UGT8: variants seen among roughly 807,000 people sequenced by gnomAD.
The protein encoded by UGT8 is UDP glycosyltransferase 8.
In UGT8, 12 loss-of-function variants were observed where a neutral mutation model predicts 40.5. The observed-to-expected ratio is 0.30, with a 90% CI of 0.19 to 0.48. UGT8 has a LOEUF of 0.48. UGT8 is among the 20% of genes least tolerant of loss of function. UGT8 has a pLI of 0.99. For missense variants in UGT8, 513 were observed against 648.7 expected (o/e 0.79, Z 2.27); for synonymous variants, 224 against 240.4 (o/e 0.93, Z 0.63).
rs557639393 is a variant in UGT8 at position 114,675,335 on chromosome 4, T to C, written c.1263-590T>C. On this transcript the variant is annotated intron_variant, in intron 5 of 5. Coordinates refer to ENST00000310836, the MANE Select transcript of UGT8 (RefSeq NM_001128174.3). ...CATGTAATGTAGTGTGGAAACAGCA[T>C]AGGGTTTGGAGTCAGAAAATTCTGG... 2.6e-5 allele frequency among the ~76,000 whole-genome samples: 4 copies of C among 152,298 alleles called. No individual in the cohort carries two copies. In the South Asian group the frequency reaches 8.3e-4, roughly 32 times the overall value.
intron 1 of UGT8, among the ~76,000 whole-genome samples, chr4:114,616,587 G>A (rs980879636): frequency 6.6e-5 from 10 of 151,906 alleles, no homozygotes; most frequent in Non-Finnish European, 1.5e-4. Context: ...GCTCATGCTC[G>A]GTGTGTTGCA....
intron 1 of UGT8, among the ~76,000 whole-genome samples, chr4:114,601,429 A>G (rs1730433814): frequency 6.6e-6 from 1 of 152,148 alleles, no homozygotes; most frequent in Admixed American, 6.5e-5. Context: ...ATTTTCCAAC[A>G]TACACCTGGG....
chr4:114,664,181 T>C (rs1158945422), intron 3 of UGT8, 44 bp downstream of exon 3: 1 of 1,602,452 alleles, frequency 6.2e-7, no homozygotes, highest in Non-Finnish European at 8.5e-7. Context: ...TGACAATCAA[T>C]ATCTCCTTGT....
chr4:114,630,104 G>C (rs746847357), intron 2 of UGT8, among the ~76,000 whole-genome samples: 62 of 151,816 alleles, frequency 4.1e-4, no homozygotes, highest in Non-Finnish European at 1.8e-4. Flanking sequence ...GGGTTTGTCA[G>C]ATCTATTTCT....
At chr4:114,631,308 C>G (rs545385725) in intron 2 of UGT8, among the ~76,000 whole-genome samples, 52 of 152,134 alleles carry the variant, frequency 3.4e-4, no homozygotes, top group Non-Finnish European at 6.6e-4. Flanking sequence ...ATGATGTAAC[C>G]CCATCTCTAC....
intron 1 of UGT8, among the ~76,000 whole-genome samples, chr4:114,621,498 A>G (rs1731787633): frequency 1.3e-5 from 2 of 152,206 alleles, no homozygotes; most frequent in African/African-American, 4.8e-5. Context: ...ACCATTCAAA[A>G]TAATTATTTT....
chr4:114,646,348 T>C (rs1191202372), intron 2 of UGT8, among the ~76,000 whole-genome samples: 1 of 151,750 alleles, frequency 6.6e-6, no homozygotes, highest in East Asian at 1.9e-4. Flanking sequence ...ATTATATATA[T>C]ATATCTGTAT....
intron 5 of UGT8, among the ~76,000 whole-genome samples, chr4:114,669,375 CATATACATATAT>C (rs1206226891): frequency 3.9e-4 from 13 of 33,030 alleles, no homozygotes; most frequent in Admixed American, 3.8e-3. Flanking sequence ...GATGTTATTT[CATATACATATAT>C]ATATATATAT....
At chr4:114,644,290 AG>A (rs1199785183) in intron 2 of UGT8, among the ~76,000 whole-genome samples, 1 of 152,198 alleles carries the variant, frequency 6.6e-6, no homozygotes, top group East Asian at 1.9e-4. Context: ...AGTAGGTTTA[AG>A]GAGCTAATAA....
chr4:114,629,661 A>G (rs916226806), intron 2 of UGT8, among the ~76,000 whole-genome samples: 2 of 152,214 alleles, frequency 1.3e-5, no homozygotes, highest in Admixed American at 1.3e-4. Context: ...GAAACTATCA[A>G]TGACTTAACT....
At chr4:114,609,679 G>T (rs1730931358) in intron 1 of UGT8, among the ~76,000 whole-genome samples, 1 of 152,054 alleles carries the variant, frequency 6.6e-6, no homozygotes, top group South Asian at 2.1e-4. Flanking sequence ...GTAGGATTTG[G>T]TTGTTTGTCC....
chr4:114,633,382 C>T (rs1478344862), intron 2 of UGT8, among the ~76,000 whole-genome samples: 1 of 152,102 alleles, frequency 6.6e-6, no homozygotes, highest in Non-Finnish European at 1.5e-5. Flanking sequence ...AGTAATGCCT[C>T]CTGAGAAAGT....
intron 5 of UGT8, among the ~76,000 whole-genome samples, chr4:114,669,903 A>G (rs746967699): frequency 4.6e-5 from 7 of 152,234 alleles, no homozygotes; most frequent in African/African-American, 1.7e-4. Flanking sequence ...GCTAAAAGTC[A>G]TTATATAAAC....
At chr4:114,606,066 G>A (rs1375894567) in intron 1 of UGT8, among the ~76,000 whole-genome samples, 1 of 152,000 alleles carries the variant, frequency 6.6e-6, no homozygotes, top group Non-Finnish European at 1.5e-5. Flanking sequence ...TTTTTAATGG[G>A]TTTAATTAAG....
In UGT8 at chr4:114,677,299, C is replaced by T. The variant is rs1404116251; in HGVS notation, c.*1011C>T. 1 of 152,144 alleles carries T rather than the reference C, an allele frequency of 6.6e-6. No homozygotes were observed. The highest frequency in any genetic ancestry group is 2.4e-5 in the African/African-American group (1 of 41,442). 9.4% of individuals were successfully genotyped at this position (152,144 alleles called of 1,614,324 possible). On this transcript the variant is annotated 3_prime_UTR_variant, in exon 6 of 6. Transcript: ENST00000310836. ...AACTTTTAAAAAACCATCTTCTGAT[C>T]CCTTTTATTGTCTGGGCCATACAAT...
chr4:114,628,061 G>A (rs940124913), intron 2 of UGT8, among the ~76,000 whole-genome samples: 3 of 152,068 alleles, frequency 2.0e-5, no homozygotes, highest in African/African-American at 7.2e-5. Context: ...ACTATCATCT[G>A]TTTGTTCTAA....
intron 5 of UGT8, among the ~76,000 whole-genome samples, chr4:114,674,573 G>T (rs1399863473): frequency 1.3e-5 from 2 of 152,150 alleles, no homozygotes; most frequent in African/African-American, 4.8e-5. Flanking sequence ...TAAGAAAGAA[G>T]CTATTATATC....
At chr4:114,669,844 A>ATTT (rs1735121681) in intron 5 of UGT8, among the ~76,000 whole-genome samples, 1 of 152,212 alleles carries the variant, frequency 6.6e-6, no homozygotes, top group Non-Finnish European at 1.5e-5. Context: ...GCATAGAAAG[A>ATTT]TGTCTTAGTC....
chr4:114,613,093 A>G (rs2126090191), intron 1 of UGT8, among the ~76,000 whole-genome samples: 1 of 152,278 alleles, frequency 6.6e-6, no homozygotes, highest in Non-Finnish European at 1.5e-5. Context: ...AAATTAAATG[A>G]CTTGGACTAA....
Sources: gnomAD v4.1 joint callset for allele counts (sites outside exome capture counted in the v4.1 genomes callset) on GRCh38, gnomAD v4.1.1 for gene constraint, MANE v1.5 for transcripts, NCBI Gene and HGNC (gene_info 2026-07-23, HGNC 2026-07-21) for gene names.